The following ASB3 variants were observed in gnomAD, a reference collection of about 807,000 sequenced individuals.
ASB3 encodes ankyrin repeat and SOCS box protein 3.
In ASB3, 41 loss-of-function variants were observed where a neutral mutation model predicts 54.5. The observed-to-expected ratio is 0.75, with a 90% CI of 0.59 to 0.98. ASB3 has a LOEUF of 0.98. Among genes scored for constraint, ASB3 ranks in the 50% least tolerant of loss-of-function variants. The probability of loss-of-function intolerance (pLI) is 0.00; values close to 1 mark genes in which losing one functional copy is unlikely to be tolerated. For synonymous variants in ASB3, 266 were observed against 221.2 expected, an observed-to-expected ratio of 1.20 and a Z score of -1.80; for missense variants, 733 against 620.0, an observed-to-expected ratio of 1.18 and a Z score of -1.94.
chr2:53,679,738 C>T (rs1037024110), intron 9 of ASB3, among the ~76,000 whole-genome samples: 1 of 152,084 alleles, frequency 6.6e-6, no homozygotes, highest in Non-Finnish European at 1.5e-5. Context: ...TTTTCATTCA[C>T]ATAATTTTTT....
At chr2:53,715,120 G>GA (rs560130390) in intron 6 of ASB3, among the ~76,000 whole-genome samples, 101 of 151,442 alleles carry the variant, frequency 6.7e-4, no homozygotes, top group African/African-American at 2.4e-3. Context: ...TCTATTATCT[G>GA]AAAAAAAAGT....
intron 7 of ASB3, 143 bp from the exon 8 acceptor site, chr2:53,700,671 T>A: frequency 8.0e-7 from 1 of 1,243,510 alleles, no homozygotes; most frequent in East Asian, 2.6e-5. Context: ...TCTAGTGGAT[T>A]GAGATTAGAG....
intron 9 of ASB3, among the ~76,000 whole-genome samples, chr2:53,679,542 A>G (rs1668253259): frequency 6.6e-6 from 1 of 152,072 alleles, no homozygotes; most frequent in Admixed American, 6.6e-5. Flanking sequence ...ACTGGCCTAC[A>G]CGAAATTTCA....
At chr2:53,748,716 C>A (rs1369936845) in intron 3 of ASB3, among the ~76,000 whole-genome samples, 1 of 151,908 alleles carries the variant, frequency 6.6e-6, no homozygotes, top group African/African-American at 2.4e-5. Context: ...AAGTTAAAAT[C>A]ATAAAAGACT....
intron 1 of ASB3, among the ~76,000 whole-genome samples, chr2:53,769,230 G>A (rs904962502): frequency 1.3e-5 from 2 of 152,202 alleles, no homozygotes; most frequent in Admixed American, 1.3e-4. Context: ...GTCAGTTTTG[G>A]CTGGGCCCGG....
At chr2:53,738,184 G>A (rs1238433298) in intron 3 of ASB3, among the ~76,000 whole-genome samples, 1 of 152,216 alleles carries the variant, frequency 6.6e-6, no homozygotes, top group Non-Finnish European at 1.5e-5. Context: ...GAAAAATTCA[G>A]TTGTGACTTT....
At chr2:53,741,908 A>C (rs1230472524) in intron 3 of ASB3, among the ~76,000 whole-genome samples, 1 of 152,208 alleles carries the variant, frequency 6.6e-6, no homozygotes, top group East Asian at 1.9e-4. Context: ...GGGCTCCAAA[A>C]GAATGACGAT....
intron 3 of ASB3, among the ~76,000 whole-genome samples, chr2:53,731,259 G>A (rs1671294186): frequency 6.6e-6 from 1 of 152,064 alleles, no homozygotes. Flanking sequence ...AAAATTAGCT[G>A]GGCATGGTGG....
chr2:53,786,151 G>A (rs1028195662), intron 1 of ASB3: 1 of 152,090 alleles, frequency 6.6e-6, no homozygotes, highest in African/African-American at 2.4e-5. Flanking sequence ...GATCAAAACA[G>A]ACAATGGCAT....
chr2:53,771,948 G>A (rs1482937652), intron 1 of ASB3: 10 of 1,475,760 alleles, frequency 6.8e-6, no homozygotes, highest in Non-Finnish European at 8.3e-6. Flanking sequence ...CTGCGGTATG[G>A]TATAAATATT....
intron 2 of ASB3, among the ~76,000 whole-genome samples, chr2:53,760,455 C>T (rs565955523): frequency 9.3e-4 from 142 of 152,136 alleles, no homozygotes; most frequent in Non-Finnish European, 1.7e-3. Context: ...CAAGGTAGGA[C>T]CCTCCATTAG....
At chr2:53,770,911 T>C (rs1428364546) in intron 1 of ASB3, among the ~76,000 whole-genome samples, 1 of 152,190 alleles carries the variant, frequency 6.6e-6, no homozygotes. Context: ...CATTACCATA[T>C]ACAGAAAGGT....
intron 1 of ASB3, chr2:53,768,177 C>A (rs1673627520): frequency 2.3e-6 from 2 of 865,852 alleles, no homozygotes; most frequent in South Asian, 3.9e-5. Context: ...TCCCTGCCAC[C>A]TGCCCGCCAT....
At chr2:53,758,743 G>C (rs1672975563) in intron 2 of ASB3, among the ~76,000 whole-genome samples, 2 of 152,188 alleles carry the variant, frequency 1.3e-5, no homozygotes. Context: ...TAAGCACTAG[G>C]ACCACAGAGG....
chr2:53,743,138 C>T (rs1026755542), intron 3 of ASB3, among the ~76,000 whole-genome samples: 12 of 148,758 alleles, frequency 8.1e-5, no homozygotes, highest in African/African-American at 3.0e-4. Context: ...AATCATTATT[C>T]AATTTAAGTG....
At chr2:53,700,650 G>C in intron 7 of ASB3, 122 bp from the exon 8 acceptor site, 2 of 1,332,224 alleles carry the variant, frequency 1.5e-6, no homozygotes, top group Non-Finnish European at 2.0e-6. Flanking sequence ...ATAGTGGATG[G>C]TTTCTACACA....
chr2:53,729,721 C>A lies in ASB3; in HGVS notation c.356-151G>T, dbSNP rs559667658. 1.7e-4 allele frequency: 102 copies of A among 615,446 alleles called. No individual in the cohort carries two copies. The South Asian group carries it at 2.1e-3, about 13-fold the overall frequency. The allele number at this position is 615,446 out of a possible 1,614,324, so 38.1% of individuals were successfully genotyped here. A position where few individuals can be genotyped will look rare whatever the true frequency, so the allele number is the denominator to read the frequency against. On this transcript the variant is annotated intron_variant, in intron 3 of 9. Transcript: ENST00000263634. ...TTATCACAATTGTCTTAGCCCAAAT[C>A]CATTAACATATATCTAATTGTTTCT...
chr2:53,759,490 C>A (rs1453403654), intron 2 of ASB3, among the ~76,000 whole-genome samples: 1 of 152,012 alleles, frequency 6.6e-6, no homozygotes, highest in Non-Finnish European at 1.5e-5. Context: ...GCCTTAGGCC[C>A]GGAGCAAAAC....
At chr2:53,679,741 A>G (rs11125516) in intron 9 of ASB3, among the ~76,000 whole-genome samples, 15,837 of 152,038 alleles carry the variant, frequency 0.1, 1,130 homozygotes, top group Non-Finnish European at 0.15. Flanking sequence ...TCATTCACAT[A>G]ATTTTTTTAA....
Sources: gnomAD v4.1 joint callset for allele counts (sites outside exome capture counted in the v4.1 genomes callset) on GRCh38, gnomAD v4.1.1 for gene constraint, MANE v1.5 for transcripts, NCBI Gene and HGNC (gene_info 2026-07-23, HGNC 2026-07-21) for gene names.